The following KLHL29 variants were observed in gnomAD, a reference collection of about 807,000 sequenced individuals.
KLHL29 encodes the protein kelch-like protein 29.
Under a neutral mutation model 80.4 loss-of-function variants are expected in KLHL29, and 21 were observed. The ratio of observed to expected loss-of-function variants is 0.26; its 90% CI spans 0.19 to 0.38. The LOEUF is 0.38. Among genes scored for constraint, KLHL29 ranks in the 10% least tolerant of loss-of-function variants. The probability of loss-of-function intolerance (pLI) is 1.00; values close to 1 mark genes in which losing one functional copy is unlikely to be tolerated. For missense variants in KLHL29, 867 were observed against 1,223.9 expected, an observed-to-expected ratio of 0.71 and a Z score of 4.35; for synonymous variants, 511 against 526.8, an observed-to-expected ratio of 0.97 and a Z score of 0.41.
intron 3 of KLHL29, among the ~76,000 whole-genome samples, chr2:23,595,578 G>C (rs894106602): frequency 6.6e-6 from 1 of 152,272 alleles, no homozygotes; most frequent in African/African-American, 2.4e-5. Context: ...ACGCAGAGAA[G>C]GAGTGGGCAG....
At chr2:23,478,567 C>T (rs1664698359) in intron 2 of KLHL29, among the ~76,000 whole-genome samples, 1 of 152,150 alleles carries the variant, frequency 6.6e-6, no homozygotes, top group Admixed American at 6.5e-5. Flanking sequence ...GGAGTGAAAT[C>T]TGATACCTGC....
Position 23,562,453 on chromosome 2 carries a change from C to G in KLHL29, c.257C>G (p.Ala86Gly). ...GSSEAITSLV[A>G]SSASAVTTKA... ...AGCGAGGCCATCACCAGCCTCGTGG[C>G]CAGCTCTGCGTCTGCGGTCACCACC... is the stretch of plus-strand genomic sequence containing the variant. Residue 86 changes from alanine (A) to glycine (G), a missense_variant, in exon 3 of 14, where the codon GCC (alanine) becomes GGC (glycine). Physicochemically the swap from Ala to Gly is moderately conservative, Grantham distance 60. Around this residue, in one of 2 missense-constraint regions of KLHL29, gnomAD observed 424 missense variants for 456.9 expected, o/e 0.93. Coordinates refer to ENST00000486442, the MANE Select transcript of KLHL29 (RefSeq NM_052920.2). The surrounding 1 kb of genome is among the most constrained non-coding windows in gnomAD (Gnocchi z 4.5). 1 of 1,536,522 alleles carries G rather than the reference C, an allele frequency of 6.5e-7. No homozygotes were observed. Among genetic ancestry groups the G allele is most frequent in the Non-Finnish European group, 8.7e-7 (1 of 1,146,762 alleles).
chr2:23,554,652 C>T (rs1413332821), intron 2 of KLHL29, among the ~76,000 whole-genome samples: 1 of 152,210 alleles, frequency 6.6e-6, no homozygotes, highest in Non-Finnish European at 1.5e-5. Context: ...CCATCCCGCC[C>T]ATGAGCTCAG....
At chr2:23,494,515 C>T (rs572609547) in intron 2 of KLHL29, among the ~76,000 whole-genome samples, 55 of 152,318 alleles carry the variant, frequency 3.6e-4, no homozygotes, top group Non-Finnish European at 5.7e-4. Flanking sequence ...GGAAAGGCAA[C>T]CAATCCAGGC....
At chr2:23,401,170 A>G (rs887421763) in intron 1 of KLHL29, among the ~76,000 whole-genome samples, 19 of 152,174 alleles carry the variant, frequency 1.2e-4, no homozygotes, top group Admixed American at 6.5e-4. Flanking sequence ...GTGGGTGACA[A>G]CTTCAACTGT....
chr2:23,598,222 C>T (rs1668476884), intron 3 of KLHL29, among the ~76,000 whole-genome samples: 1 of 152,132 alleles, frequency 6.6e-6, no homozygotes, highest in Non-Finnish European at 1.5e-5. Flanking sequence ...TGCATCAAAT[C>T]CTGTAGGGCA....
At chr2:23,598,545 G>A (rs1668486643) in intron 3 of KLHL29, among the ~76,000 whole-genome samples, 1 of 152,200 alleles carries the variant, frequency 6.6e-6, no homozygotes, top group Non-Finnish European at 1.5e-5. Context: ...GGACAGCTGT[G>A]TGGAAGTCAT....
At chr2:23,675,117 G>A (rs1218990925) in intron 5 of KLHL29, among the ~76,000 whole-genome samples, 3 of 152,062 alleles carry the variant, frequency 2.0e-5, no homozygotes, top group African/African-American at 4.8e-5. Flanking sequence ...AAGGTCTCTC[G>A]GCCCTGCCCG....
chr2:23,558,509 C>G (rs978975494), intron 2 of KLHL29, among the ~76,000 whole-genome samples: 22 of 150,848 alleles, frequency 1.5e-4, no homozygotes, highest in African/African-American at 5.4e-4. Context: ...TCAAGTGATT[C>G]TCATGCCTCA....
At position 23,693,276 on chromosome 2, in the gene KLHL29, G is replaced by T. The variant is rs1671738816; in HGVS notation, c.1290G>T (p.Gln430His). 16 of 1,542,146 alleles carry T rather than the reference G, an allele frequency of 1.0e-5. 1 individual carries two copies. The highest frequency in any genetic ancestry group is 1.3e-5 in the Non-Finnish European group (15 of 1,140,848). The change falls in exon 8 of 14, where the codon CAG (glutamine) becomes CAT (histidine). Residue 430 changes from glutamine to histidine, a missense_variant. By Grantham distance (24) the Gln-to-His change is conservative (BLOSUM62 0). Around this residue, in one of 2 missense-constraint regions of KLHL29, gnomAD observed 443 missense variants for 767.0 expected, o/e 0.58. Coordinates refer to ENST00000486442, the MANE Select transcript of KLHL29 (RefSeq NM_052920.2). ...CTGCGCTGTCGCCCCCAGAGAAGCAGCTGACGGCCAGCAACTGCCTGGGCG... is the reference window on the plus strand; with the variant it reads ...CTGCGCTGTCGCCCCCAGAGAAGCATCTGACGGCCAGCAACTGCCTGGGCG... ...CKVCVSFLEK[Q>H]LTASNCLGVL...
chr2:23,638,797 G>A (rs1475638317), intron 3 of KLHL29, among the ~76,000 whole-genome samples: 2 of 152,178 alleles, frequency 1.3e-5, no homozygotes, highest in African/African-American at 2.4e-5. Context: ...TGGATGGTCC[G>A]AGGGCCAGAG....
rs1663998816 is a variant in KLHL29, at chr2:23,454,851, T to TA, written c.-153-20708dup. 4.6e-5 allele frequency among the ~76,000 whole-genome samples: 7 copies of TA among 152,132 alleles called. 2 individuals carry two copies. In the South Asian group the frequency reaches 1.5e-3, roughly 32 times the overall value. On this transcript the variant is annotated intron_variant, in intron 1 of 13. Transcript: ENST00000486442. ...TCGGTGCCTCCTGCCCACCAGACAC[T>TA]ATGCCAGGTGCCAAGTGTAGAATGC... is the stretch of plus-strand genomic sequence containing the variant.
chr2:23,599,702 T>C (rs1226434230), intron 3 of KLHL29, among the ~76,000 whole-genome samples: 1 of 152,154 alleles, frequency 6.6e-6, no homozygotes, highest in Non-Finnish European at 1.5e-5. Flanking sequence ...TGGCACTCAA[T>C]AGCATGCATA....
chr2:23,633,681 A>T (rs1173811818), intron 3 of KLHL29, among the ~76,000 whole-genome samples: 1 of 152,052 alleles, frequency 6.6e-6, no homozygotes, highest in Non-Finnish European at 1.5e-5. Context: ...AGAAGCCTCA[A>T]GGCCTCTTAA....
chr2:23,553,997 C>T (rs1667196244), intron 2 of KLHL29, among the ~76,000 whole-genome samples: 1 of 152,146 alleles, frequency 6.6e-6, no homozygotes, highest in South Asian at 2.1e-4. Context: ...GCAGAGGAGG[C>T]CAGTGTGGGA....
chr2:23,701,537 A>C (rs1430484679), intron 11 of KLHL29, among the ~76,000 whole-genome samples: 1 of 151,942 alleles, frequency 6.6e-6, no homozygotes, highest in Admixed American at 6.6e-5. Flanking sequence ...ACATAGGGAG[A>C]CCTCATCTCT....
chr2:23,629,102 C>A (rs1669403563), intron 3 of KLHL29, among the ~76,000 whole-genome samples: 1 of 152,208 alleles, frequency 6.6e-6, no homozygotes, highest in Non-Finnish European at 1.5e-5. Context: ...GCAGGACGGG[C>A]CGCTACAAGG....
At chr2:23,504,607 G>T (rs1038111285) in intron 2 of KLHL29, among the ~76,000 whole-genome samples, 2 of 152,226 alleles carry the variant, frequency 1.3e-5, no homozygotes, top group Non-Finnish European at 2.9e-5. Context: ...CCCTGAAAGG[G>T]AGTCATGGCT....
At chr2:23,472,106 C>T (rs1664509227) in intron 1 of KLHL29, among the ~76,000 whole-genome samples, 1 of 116,948 alleles carries the variant, frequency 8.6e-6, no homozygotes, top group Non-Finnish European at 1.6e-5. Context: ...TCTATTAAGC[C>T]CAGGGTCTAA....
Sources: gnomAD v4.1 joint callset for allele counts (sites outside exome capture counted in the v4.1 genomes callset) on GRCh38, gnomAD v4.1.1 for gene constraint, gnomAD v4.1.1 regional missense constraint, Gnocchi (gnomAD v3.1) non-coding constraint, MANE v1.5 for transcripts, NCBI Gene and HGNC (gene_info 2026-07-23, HGNC 2026-07-21) for gene names.